TSHZ2: variants seen among roughly 807,000 people sequenced by gnomAD.
TSHZ2 encodes the protein teashirt homolog 2.
TSHZ2 carries 21 observed loss-of-function variants against 74.4 expected under a neutral mutation model. The observed-to-expected ratio is 0.28, with a 90% confidence interval of 0.20 to 0.41. The LOEUF (loss-of-function observed/expected upper bound fraction) is 0.41. Ranked by LOEUF, TSHZ2 falls within the 10% of genes least tolerant of loss-of-function variation. The pLI, the probability that TSHZ2 is intolerant of heterozygous loss-of-function variation, is 1.00. For missense variants in TSHZ2, 1,244 were observed against 1,293.5 expected (o/e 0.96, Z 0.59); for synonymous variants, 540 against 515.3 (o/e 1.05, Z -0.65).
At chr20:53,441,295 T>C (rs1372174124) in intron 2 of TSHZ2, among the ~76,000 whole-genome samples, 1 of 149,916 alleles carries the variant, frequency 6.7e-6, no homozygotes, top group African/African-American at 2.5e-5. Flanking sequence ...AGATGGAGTC[T>C]CACTCTGTTG....
At chr20:53,226,293 TA>T (rs573246019) in intron 1 of TSHZ2, among the ~76,000 whole-genome samples, 2 of 152,066 alleles carry the variant, frequency 1.3e-5, no homozygotes, top group South Asian at 2.1e-4. Context: ...CCTTCATCTG[TA>T]AAAAAGACAC....
At chr20:53,303,438 C>G (rs547788473) in intron 2 of TSHZ2, among the ~76,000 whole-genome samples, 25 of 152,280 alleles carry the variant, frequency 1.6e-4, no homozygotes, top group African/African-American at 5.3e-4. Context: ...ATCAACAGCA[C>G]AACTGGAAGG....
chr20:52,976,564 C>T (rs571918664), intron 1 of TSHZ2, among the ~76,000 whole-genome samples: 39 of 152,274 alleles, frequency 2.6e-4, no homozygotes, highest in African/African-American at 9.1e-4. Context: ...TAAAACAGAA[C>T]GGTGTTTTGA....
At chr20:53,081,242 G>A (rs910679161) in intron 1 of TSHZ2, among the ~76,000 whole-genome samples, 23 of 152,184 alleles carry the variant, frequency 1.5e-4, no homozygotes, top group African/African-American at 5.5e-4. Context: ...ATGTTACCCA[G>A]GCTGGTCTTA....
intron 2 of TSHZ2, among the ~76,000 whole-genome samples, chr20:53,451,981 C>G (rs1298748923): frequency 6.6e-6 from 1 of 152,216 alleles, no homozygotes; most frequent in Non-Finnish European, 1.5e-5. Context: ...CTTAGTGTTA[C>G]TCAAGAAAGG....
chr20:53,341,354 C>T (rs1980194997), intron 2 of TSHZ2, among the ~76,000 whole-genome samples: 1 of 152,140 alleles, frequency 6.6e-6, no homozygotes, highest in East Asian at 1.9e-4. Flanking sequence ...ACCAATAATC[C>T]CAGTTTGCCT....
At chr20:53,304,549 T>C (rs1978440374) in intron 2 of TSHZ2, among the ~76,000 whole-genome samples, 1 of 152,128 alleles carries the variant, frequency 6.6e-6, no homozygotes, top group South Asian at 2.1e-4. Flanking sequence ...CTTATAAAAT[T>C]GCCTGCCCCA....
intron 1 of TSHZ2, among the ~76,000 whole-genome samples, chr20:53,235,299 C>G (rs1379866351): frequency 1.3e-5 from 2 of 152,074 alleles, no homozygotes; most frequent in African/African-American, 4.8e-5. Context: ...TCCCAAGTAG[C>G]TGGGATTACA....
chr20:53,130,778 G>A (rs762035639), intron 1 of TSHZ2, among the ~76,000 whole-genome samples: 21 of 152,172 alleles, frequency 1.4e-4, no homozygotes, highest in Non-Finnish European at 2.8e-4. Flanking sequence ...TGAATTCATC[G>A]GCGTTGTTAC....
At chr20:53,130,069 A>G (rs1006943911) in intron 1 of TSHZ2, among the ~76,000 whole-genome samples, 1 of 151,898 alleles carries the variant, frequency 6.6e-6, no homozygotes, top group Non-Finnish European at 1.5e-5. Flanking sequence ...AAAAGTAGGA[A>G]AAGAAAATGT....
chr20:53,246,381 C>A (rs556513986), intron 1 of TSHZ2, among the ~76,000 whole-genome samples: 1 of 152,280 alleles, frequency 6.6e-6, no homozygotes, highest in Admixed American at 6.5e-5. Flanking sequence ...TCCTCTTACT[C>A]ACAGCCCTCG....
intron 1 of TSHZ2, among the ~76,000 whole-genome samples, chr20:53,057,415 C>A (rs6097215): frequency 0.59 from 89,460 of 151,526 alleles, 28,339 homozygotes; most frequent in African/African-American, 0.83. Context: ...ATTTCCCAGA[C>A]GCCCTACAAC....
At chr20:53,135,412 C>T (rs1318047884) in intron 1 of TSHZ2, among the ~76,000 whole-genome samples, 10 of 152,110 alleles carry the variant, frequency 6.6e-5, no homozygotes, top group Non-Finnish European at 8.8e-5. Flanking sequence ...CCTTTGGGGA[C>T]TGGCTTCTTT....
intron 1 of TSHZ2, among the ~76,000 whole-genome samples, chr20:53,102,462 A>G (rs1600690456): frequency 1.5e-5 from 2 of 131,606 alleles, no homozygotes; most frequent in African/African-American, 2.9e-5. Flanking sequence ...AAGAGAGGAG[A>G]GGGGAGGGAA....
At chr20:53,407,067 ACAT>A (rs1179300682) in intron 2 of TSHZ2, among the ~76,000 whole-genome samples, 1 of 152,214 alleles carries the variant, frequency 6.6e-6, no homozygotes, top group East Asian at 1.9e-4. Flanking sequence ...AGTGGGGGTA[ACAT>A]CATGTGTACA....
At chr20:53,035,599 C>T (rs1032523573) in intron 1 of TSHZ2, among the ~76,000 whole-genome samples, 1 of 152,034 alleles carries the variant, frequency 6.6e-6, no homozygotes, top group African/African-American at 2.4e-5. Flanking sequence ...TAATAGGATG[C>T]CATGATCTAT....
chr20:53,418,962 C>G (rs954048721), intron 2 of TSHZ2, among the ~76,000 whole-genome samples: 10 of 152,222 alleles, frequency 6.6e-5, no homozygotes, highest in Non-Finnish European at 1.2e-4. Flanking sequence ...TCATCCCTCT[C>G]TCTCCTCCAG....
At chr20:52,977,494 G>A (rs1315408213) in intron 1 of TSHZ2, among the ~76,000 whole-genome samples, 2 of 148,736 alleles carry the variant, frequency 1.3e-5, no homozygotes, top group South Asian at 2.1e-4. Context: ...AAGTCCAAAG[G>A]GTCTTAGCAG....
chr20:53,404,475 T>A (rs1982773534), intron 2 of TSHZ2, among the ~76,000 whole-genome samples: 1 of 152,246 alleles, frequency 6.6e-6, no homozygotes, highest in Admixed American at 6.5e-5. Flanking sequence ...GTGCAAGTAC[T>A]AAAAGACACT....
Sources: gnomAD v4.1 joint callset for allele counts (sites outside exome capture counted in the v4.1 genomes callset) on GRCh38, gnomAD v4.1.1 for gene constraint, MANE v1.5 for transcripts, NCBI Gene and HGNC (gene_info 2026-07-23, HGNC 2026-07-21) for gene names.